The following STXBP5L variants were observed in gnomAD, a reference collection of about 807,000 sequenced individuals.
STXBP5L encodes the protein syntaxin-binding protein 5-like.
In STXBP5L, 65 loss-of-function variants were observed where a neutral mutation model predicts 144.5. The ratio of observed to expected loss-of-function variants is 0.45; its 90% CI spans 0.37 to 0.55. The LOEUF (loss-of-function observed/expected upper bound fraction) is 0.55. Among genes scored for constraint, STXBP5L ranks in the 20% least tolerant of loss-of-function variants. STXBP5L has a pLI of 0.00. For missense variants in STXBP5L, 1,298 were observed against 1,405.5 expected, an observed-to-expected ratio of 0.92 and a Z score of 1.22; for synonymous variants, 505 against 469.6, an observed-to-expected ratio of 1.08 and a Z score of -0.97.
rs1479063134 is a variant in STXBP5L at position 121,422,513 on chromosome 3, A to G, written c.*3416A>G. 1 of 152,140 alleles carries G rather than the reference A, an allele frequency of 6.6e-6. No homozygotes were observed. The highest frequency in any genetic ancestry group is 1.9e-4 in the East Asian group (1 of 5,182). 9.4% of individuals were successfully genotyped at this position (152,140 alleles called of 1,614,324 possible). ...GAGCAATAGTCCCTACCTTGAAATC[A>G]TCCATTAGTCTTGGAGTTTGGAGGG... On this transcript the variant is annotated 3_prime_UTR_variant, in exon 27 of 27. Coordinates refer to ENST00000471454, the MANE Select transcript of STXBP5L (RefSeq NM_001308330.2).
intron 9 of STXBP5L, among the ~76,000 whole-genome samples, chr3:121,174,927 G>C (rs1489782865): frequency 6.6e-6 from 1 of 152,026 alleles, no homozygotes; most frequent in Non-Finnish European, 1.5e-5. Context: ...CACTGAGCTG[G>C]GGAAAGGGAA....
chr3:121,145,739 C>T (rs563788406), intron 7 of STXBP5L, among the ~76,000 whole-genome samples: 1 of 152,024 alleles, frequency 6.6e-6, no homozygotes, highest in African/African-American at 2.4e-5. Context: ...AATTTAATTG[C>T]CAATGTCTTT....
intron 19 of STXBP5L, among the ~76,000 whole-genome samples, chr3:121,308,395 G>A (rs111906870): frequency 5.3e-5 from 8 of 152,210 alleles, no homozygotes; most frequent in Admixed American, 1.3e-4. Flanking sequence ...GAAATACTAC[G>A]GGAAGTTTTT....
intron 9 of STXBP5L, among the ~76,000 whole-genome samples, chr3:121,159,188 T>C (rs1252658803): frequency 6.6e-6 from 1 of 151,932 alleles, no homozygotes; most frequent in African/African-American, 2.4e-5. Context: ...TATAAGTCTT[T>C]AAATGTAATA....
intron 3 of STXBP5L, among the ~76,000 whole-genome samples, chr3:120,959,561 C>T (rs1008320057): frequency 1.6e-4 from 25 of 152,148 alleles, no homozygotes; most frequent in Non-Finnish European, 2.8e-4. Context: ...GAGATATAGA[C>T]CAATGGAACA....
chr3:120,914,868 AT>A (rs1385135890), intron 2 of STXBP5L, among the ~76,000 whole-genome samples: 7 of 151,806 alleles, frequency 4.6e-5, no homozygotes, highest in Non-Finnish European at 5.9e-5. Context: ...AGAATTAAAG[AT>A]TTTTTTTTCT....
At chr3:121,149,187 C>T (rs544594315) in intron 7 of STXBP5L, among the ~76,000 whole-genome samples, 58 of 152,024 alleles carry the variant, frequency 3.8e-4, no homozygotes, top group Non-Finnish European at 7.2e-4. Flanking sequence ...ATGTTTACTT[C>T]ATCATAATTC....
At chr3:121,053,350 G>A (rs1253814800) in intron 5 of STXBP5L, among the ~76,000 whole-genome samples, 1 of 152,074 alleles carries the variant, frequency 6.6e-6, no homozygotes, top group African/African-American at 2.4e-5. Flanking sequence ...TATACTACAA[G>A]GCTACAGTAA....
chr3:120,980,447 A>G (rs1241026336), intron 3 of STXBP5L, among the ~76,000 whole-genome samples: 2 of 140,464 alleles, frequency 1.4e-5, no homozygotes, highest in Non-Finnish European at 3.1e-5. Flanking sequence ...CTTTATCACC[A>G]TATAATGTCC....
intron 19 of STXBP5L, among the ~76,000 whole-genome samples, chr3:121,303,411 T>C (rs1318841803): frequency 2.0e-5 from 3 of 152,206 alleles, no homozygotes; most frequent in East Asian, 1.9e-4. Flanking sequence ...GAAATAGGAA[T>C]ACTTTTACAG....
At chr3:121,086,158 A>G (rs2042481052) in intron 5 of STXBP5L, among the ~76,000 whole-genome samples, 1 of 152,214 alleles carries the variant, frequency 6.6e-6, no homozygotes, top group African/African-American at 2.4e-5. Flanking sequence ...TAGAAAAATT[A>G]ACCCAAGATG....
chr3:121,219,333 A>G (rs1377582367), intron 10 of STXBP5L, among the ~76,000 whole-genome samples: 2 of 152,168 alleles, frequency 1.3e-5, no homozygotes, highest in Admixed American at 6.6e-5. Context: ...GTTATAAGTC[A>G]GGATGGCTGT....
At chr3:121,206,098 T>G (rs1343883836) in intron 10 of STXBP5L, 97 bp downstream of exon 10, 1 of 657,010 alleles carries the variant, frequency 1.5e-6, no homozygotes. Flanking sequence ...TTTTACAAAA[T>G]TGTAAAGACA....
intron 5 of STXBP5L, among the ~76,000 whole-genome samples, chr3:121,060,359 C>G (rs140945862): frequency 6.6e-6 from 1 of 152,110 alleles, no homozygotes; most frequent in African/African-American, 2.4e-5. Flanking sequence ...TGATGTGCTG[C>G]TGGACTTGGT....
intron 9 of STXBP5L, among the ~76,000 whole-genome samples, chr3:121,187,473 G>T (rs1309771123): frequency 1.3e-5 from 2 of 151,502 alleles, no homozygotes; most frequent in Admixed American, 1.3e-4. Context: ...AAGAGTTAAT[G>T]GGTGCAGCAT....
At position 121,422,617 on chromosome 3, in the gene STXBP5L, C is replaced by T. The variant is rs547270090; in HGVS notation, c.*3520C>T. 2 of 152,076 alleles carry T rather than the reference C, an allele frequency of 1.3e-5. No individual in the cohort carries two copies. The highest frequency in any genetic ancestry group is 2.9e-5 in the Non-Finnish European group (2 of 68,014). 9.4% of individuals were successfully genotyped at this position (152,076 alleles called of 1,614,324 possible). On this transcript the variant is annotated 3_prime_UTR_variant, in exon 27 of 27. Coordinates refer to ENST00000471454, the MANE Select transcript of STXBP5L (RefSeq NM_001308330.2). Reference sequence around the variant, plus strand: ...ACTTTGCTTCTTACACTTCACTGAGCCCCAGACTTTAGGGCCCCAATCATT... The same window carrying T: ...ACTTTGCTTCTTACACTTCACTGAGTCCCAGACTTTAGGGCCCCAATCATT...
chr3:121,255,211 C>A, intron 16 of STXBP5L, 99 bp downstream of exon 16: 1 of 781,136 alleles, frequency 1.3e-6, no homozygotes. Context: ...ATGAAGTGTG[C>A]AGTATGTGGC....
chr3:121,210,982 C>T (rs1310090997), intron 10 of STXBP5L, among the ~76,000 whole-genome samples: 1 of 152,080 alleles, frequency 6.6e-6, no homozygotes, highest in Non-Finnish European at 1.5e-5. Flanking sequence ...TCATTGGTAG[C>T]TTGATGGGGA....
intron 22 of STXBP5L, among the ~76,000 whole-genome samples, chr3:121,400,300 G>C (rs1333946544): frequency 6.6e-6 from 1 of 152,170 alleles, no homozygotes; most frequent in Non-Finnish European, 1.5e-5. Context: ...TTTGGGGCCT[G>C]GAGTATACAT....
Sources: gnomAD v4.1 joint callset for allele counts (sites outside exome capture counted in the v4.1 genomes callset) on GRCh38, gnomAD v4.1.1 for gene constraint, MANE v1.5 for transcripts, NCBI Gene and HGNC (gene_info 2026-07-23, HGNC 2026-07-21) for gene names.